Variants in DARS2 observed in about 807,000 individuals in gnomAD.
DARS2 encodes the protein aspartyl-tRNA synthetase 2, mitochondrial, also known as aspartate--tRNA ligase, mitochondrial.
DARS2 carries 63 observed loss-of-function variants against 83.0 expected under a neutral mutation model. The observed-to-expected ratio is 0.76, with a 90% CI of 0.62 to 0.94. The LOEUF (loss-of-function observed/expected upper bound fraction) is 0.94. Ranked by LOEUF, DARS2 falls within the 40% of genes least tolerant of loss-of-function variation. The pLI is 0.00. For synonymous variants in DARS2, 250 were observed against 269.3 expected (o/e 0.93, Z 0.70); for missense variants, 675 against 774.4 (o/e 0.87, Z 1.52).
intron 9 of DARS2, 56 bp downstream of exon 9, chr1:173,838,315 TATTTTC>T: frequency 3.7e-6 from 5 of 1,343,710 alleles, no homozygotes; most frequent in Non-Finnish European, 4.3e-6. Context: ...TTTGAAATAG[TATTTTC>T]AAGACCAGTG....
intron 3 of DARS2, among the ~76,000 whole-genome samples, chr1:173,829,464 C>G (rs1237449163): frequency 6.6e-6 from 1 of 151,822 alleles, no homozygotes; most frequent in Non-Finnish European, 1.5e-5. Flanking sequence ...GAGTGATATT[C>G]TGAAAAAAAA....
At chr1:173,828,185 C>T (rs1430151721) in intron 2 of DARS2, 148 bp from the exon 3 acceptor site, 2 of 810,898 alleles carry the variant, frequency 2.5e-6, no homozygotes, top group Non-Finnish European at 2.0e-6. Flanking sequence ...ACATAATTAT[C>T]ATAAAAAACA....
At chr1:173,839,026 C>T (rs894954033) in intron 9 of DARS2, among the ~76,000 whole-genome samples, 2 of 152,168 alleles carry the variant, frequency 1.3e-5, no homozygotes, top group African/African-American at 2.4e-5. Context: ...TGAGCCACCA[C>T]GCCTGGCCAA....
rs766094680 is a variant in DARS2, at chr1:173,839,360, G to A, written c.841-7G>A. The A allele has an allele frequency of 1.9e-6, 3 of 1,613,974 alleles. No homozygotes were observed. In the South Asian group the frequency reaches 3.3e-5, roughly 18 times the overall value. ...AAATTAGTTTCCATATGGTACTTTG[G>A]TTTCAGATTGACATAGAGATGTCAT... is the stretch of plus-strand genomic sequence containing the variant. On this transcript the variant is annotated splice_region_variant and splice_polypyrimidine_tract_variant and intron_variant, in intron 9 of 16. Coordinates refer to ENST00000649689, the MANE Select transcript of DARS2 (RefSeq NM_018122.5).
chr1:173,830,545 C>A, intron 3 of DARS2, 115 bp from the exon 4 acceptor site: 1 of 864,654 alleles, frequency 1.2e-6, no homozygotes, highest in African/African-American at 1.6e-5. Flanking sequence ...CAGCCCCAGC[C>A]TTTATGGTAA....
chr1:173,832,256 A>C (rs1016645779), intron 5 of DARS2, among the ~76,000 whole-genome samples: 8 of 152,088 alleles, frequency 5.3e-5, no homozygotes, highest in Non-Finnish European at 1.0e-4. Context: ...CTTACATTTA[A>C]GTTCTCAATA....
chr1:173,845,022 A>G (rs1441220680), intron 11 of DARS2, among the ~76,000 whole-genome samples: 2 of 151,842 alleles, frequency 1.3e-5, no homozygotes, highest in African/African-American at 2.4e-5. Context: ...TTGAACTCCC[A>G]ACTTTCAAGC....
Position 173,831,614 on chromosome 1 carries a change from T to C in DARS2, c.476T>C (p.Ile159Thr). 2 of 1,613,892 alleles carry C rather than the reference T, an allele frequency of 1.2e-6. No homozygotes were observed. The highest frequency in any genetic ancestry group is 1.7e-6 in the Non-Finnish European group (2 of 1,179,770). ...GCCTGCAAGAAGCTGCCCTTTGAAA[T>C]TAAGAACTTCGTGAAGGTACCAACC... Reference protein sequence around the residue: ...LNACKKLPFEIKNFVKKTEAL... With the variant: ...LNACKKLPFETKNFVKKTEAL... The change falls in exon 5 of 17, where the codon ATT (isoleucine) becomes ACT (threonine). Residue 159 changes from isoleucine to threonine, a missense_variant. Ile to Thr is a moderately conservative substitution (Grantham distance 89, BLOSUM62 -1). Coordinates refer to ENST00000649689, the MANE Select transcript of DARS2 (RefSeq NM_018122.5).
intron 12 of DARS2, among the ~76,000 whole-genome samples, chr1:173,849,154 CTT>C (rs75129689): frequency 2.8e-4 from 37 of 133,634 alleles, no homozygotes; most frequent in Non-Finnish European, 3.1e-4. Context: ...TTATCTTGGT[CTT>C]TTTTTTTTTT....
At chr1:173,839,224 C>G in intron 9 of DARS2, 143 bp from the exon 10 acceptor site, 1 of 734,218 alleles carries the variant, frequency 1.4e-6, no homozygotes, top group South Asian at 1.7e-5. Flanking sequence ...AGCACAGTGT[C>G]TGACATAAAA....
At chr1:173,856,541 T>C (rs1455225776) in intron 15 of DARS2, 125 bp from the exon 16 acceptor site, 1 of 786,280 alleles carries the variant, frequency 1.3e-6, no homozygotes, top group Non-Finnish European at 2.1e-6. Context: ...ACTTTTATTA[T>C]TGGTTAAGTC....
chr1:173,834,761 TTGTTTTGGGTTTTTTTTTTTG>T (rs1652931466), intron 7 of DARS2, among the ~76,000 whole-genome samples: 1 of 106,266 alleles, frequency 9.4e-6, no homozygotes, highest in Non-Finnish European at 1.9e-5. Context: ...TTTTTTTGGT[TTGTTTTGGGTTTTTTTTTTTG>T]TTTTTTTTTT....
chr1:173,842,309 T>TTTTTTTTTTTTTTTTTTTTG (rs1653256049), intron 11 of DARS2, among the ~76,000 whole-genome samples: 1 of 101,618 alleles, frequency 9.8e-6, no homozygotes. Flanking sequence ...TTTTTTTTTT[T>TTTTTTTTTTTTTTTTTTTTG]TTTTTTTTAG....
chr1:173,845,301 T>C lies in DARS2; in HGVS notation c.1191+10T>C. 6.3e-7 allele frequency: 1 copy of C among 1,595,544 alleles called. No homozygotes were observed. Among genetic ancestry groups the C allele is most frequent in the Non-Finnish European group, 8.6e-7 (1 of 1,163,524 alleles). On this transcript the variant is annotated intron_variant, in intron 12 of 16. Transcript: ENST00000649689. ...TGACCATTTTAATCAGGTAAGGAGT[T>C]AATTAGAGCAGTTTTTTTCCTTATA...
intron 13 of DARS2, chr1:173,851,824 T>C (rs536552923): frequency 1.0e-6 from 1 of 985,324 alleles, no homozygotes; most frequent in South Asian, 4.7e-5. Context: ...TTTGTCATTG[T>C]TTCTTCCACA....
intron 13 of DARS2, chr1:173,851,950 T>C: frequency 1.0e-6 from 1 of 985,354 alleles, no homozygotes; most frequent in Non-Finnish European, 1.2e-6. Context: ...AATGCATTTC[T>C]TAAAAAAGAA....
chr1:173,850,209 A>T (rs1653596733), intron 12 of DARS2, 118 bp from the exon 13 acceptor site: 11 of 1,156,224 alleles, frequency 9.5e-6, no homozygotes, highest in Non-Finnish European at 1.3e-5. Context: ...TAATAGAGAC[A>T]ATCTCTTTTA....
At chr1:173,846,241 G>A (rs909122306) in intron 12 of DARS2, among the ~76,000 whole-genome samples, 4 of 152,166 alleles carry the variant, frequency 2.6e-5, no homozygotes, top group African/African-American at 9.6e-5. Context: ...TGATGCAGGA[G>A]AATCGCTTGA....
intron 5 of DARS2, among the ~76,000 whole-genome samples, chr1:173,832,785 A>AG (rs1652843307): frequency 6.6e-6 from 1 of 150,850 alleles, no homozygotes; most frequent in South Asian, 2.1e-4. Flanking sequence ...AAAAAAAAAA[A>AG]AGAGAGAGAA....
Sources: allele counts gnomAD v4.1 joint callset (sites outside exome capture counted in the v4.1 genomes callset), GRCh38; gene constraint gnomAD v4.1.1; transcripts MANE v1.5; gene names NCBI Gene and HGNC (gene_info 2026-07-23, HGNC 2026-07-21).